Variants in SLC39A8 observed in about 807,000 individuals in gnomAD.
SLC39A8 encodes the protein solute carrier family 39 member 8.
In SLC39A8, 15 loss-of-function variants were observed where a neutral mutation model predicts 40.4. The ratio of observed to expected loss-of-function variants is 0.37; its 90% CI spans 0.25 to 0.57. The LOEUF is 0.57. Among genes scored for constraint, SLC39A8 ranks in the 20% least tolerant of loss-of-function variants. The probability of loss-of-function intolerance (pLI) is 0.75; values close to 1 mark genes in which losing one functional copy is unlikely to be tolerated. For missense variants in SLC39A8, 472 were observed against 558.8 expected, an observed-to-expected ratio of 0.84 and a Z score of 1.57; for synonymous variants, 223 against 221.6, an observed-to-expected ratio of 1.01 and a Z score of -0.06.
downstream of SLC39A8, chr4:102,259,599 C>T (rs545392435): frequency 3.0e-5 from 32 of 1,049,690 alleles, no homozygotes; most frequent in Admixed American, 6.6e-5. Context: ...TAAATCTAGC[C>T]CCGCCATGGC....
intron 2 of SLC39A8, among the ~76,000 whole-genome samples, chr4:102,334,799 C>T (rs1285392086): frequency 6.6e-6 from 1 of 152,184 alleles, no homozygotes; most frequent in Admixed American, 6.5e-5. Context: ...GGAATATGTG[C>T]TCTGCCAATA....
chr4:102,344,532 G>C lies in SLC39A8; in HGVS notation c.131C>G (p.Ser44Trp), dbSNP rs772391167. 8 of 1,558,824 alleles carry C rather than the reference G, an allele frequency of 5.1e-6. No homozygotes were observed. Among genetic ancestry groups the C allele is most frequent in the Admixed American group, 1.9e-5 (1 of 52,620 alleles). ...LSVFGANLSL[S>W]AAQLQHLLEQ... is the part of the protein sequence containing the mutation. ...CAGCAAGTGCTGGAGCTGCGCCGCC[G>C]ACAGGCTCAGATTCGCGCCGAACAC... Residue 44 changes from serine to tryptophan, a missense_variant, in exon 2 of 9, where the codon TCG (serine) becomes TGG (tryptophan). By Grantham distance (177) the Ser-to-Trp change is radical. Coordinates refer to ENST00000356736, the MANE Select transcript of SLC39A8 (RefSeq NM_001135146.2).
chr4:102,269,007 C>T lies in SLC39A8; in HGVS notation c.841-928G>A, dbSNP rs1732232186. On this transcript the variant is annotated intron_variant, in intron 6 of 8. Transcript: ENST00000356736. ...CCTAATTCTCCTCCTCTCACCTCTA[C>T]CTAAGCAGCTAATCATTACATTTAT... is the stretch of plus-strand genomic sequence containing the variant. 1.3e-5 allele frequency among the ~76,000 whole-genome samples: 2 copies of T among 152,192 alleles called. 1 individual carries two copies. The highest frequency in any genetic ancestry group is 4.8e-5 in the African/African-American group (2 of 41,438).
At chr4:102,258,640 T>G (rs1731768593), downstream of SLC39A8, among the ~76,000 whole-genome samples, 2 of 152,160 alleles carry the variant, frequency 1.3e-5, no homozygotes, top group Admixed American at 6.6e-5. Flanking sequence ...GGTTAAGTGC[T>G]CAGATGAAGG....
intron 2 of SLC39A8, 102 bp from the exon 3 acceptor site, chr4:102,315,932 C>T: frequency 2.1e-6 from 2 of 954,066 alleles, no homozygotes; most frequent in East Asian, 5.6e-5. Context: ...AGATGCACAG[C>T]ACTCTTTATA....
chr4:102,254,036 G>A (rs1025238033), intron 11 of SLC39A8, among the ~76,000 whole-genome samples: 2 of 152,116 alleles, frequency 1.3e-5, no homozygotes, highest in African/African-American at 4.8e-5. Flanking sequence ...ACAGGAAAAG[G>A]CTCTTGGTTC....
At chr4:102,325,261 AG>A (rs1362421224) in intron 2 of SLC39A8, among the ~76,000 whole-genome samples, 2 of 152,148 alleles carry the variant, frequency 1.3e-5, no homozygotes, top group African/African-American at 2.4e-5. Flanking sequence ...TAGGTTTAAG[AG>A]GTGGCCAGTC....
chr4:102,285,829 G>T (rs1177755551), intron 6 of SLC39A8, among the ~76,000 whole-genome samples: 5 of 152,066 alleles, frequency 3.3e-5, no homozygotes, highest in Admixed American at 6.6e-5. Context: ...ATAAAATGTA[G>T]AGTAAATTCT....
rs565894164 is a variant in SLC39A8 at position 102,304,245 on chromosome 4, C to T, written c.840+72G>A. On this transcript the variant is annotated intron_variant, in intron 6 of 8. Coordinates refer to ENST00000356736, the MANE Select transcript of SLC39A8 (RefSeq NM_001135146.2). Reference sequence around the variant, plus strand: ...CATAAATGTACAAAAACTGACTTAGCTGCATAAACAGTCATGTTTACACAG... The same window carrying T: ...CATAAATGTACAAAAACTGACTTAGTTGCATAAACAGTCATGTTTACACAG... 1,677 of 1,177,658 alleles carry T rather than the reference C, an allele frequency of 1.4e-3. 1 individual carries two copies. Among genetic ancestry groups the T allele is most frequent in the Middle Eastern group, 1.8e-3 (9 of 4,984 alleles). 73.0% of individuals were successfully genotyped at this position (1,177,658 alleles called of 1,614,324 possible). A position where few individuals can be genotyped will look rare whatever the true frequency, so the allele number is the denominator to read the frequency against.
In SLC39A8 at chr4:102,264,820, C is replaced by G. The variant is rs114629198; in HGVS notation, c.1234-1627G>C. On this transcript the variant is annotated intron_variant, in intron 8 of 8. Transcript: ENST00000356736. ...CATACAGATGGCTTCTTTCCTTAAA[C>G]CTAATGAATACACCTCTGCTAATGT... Among the ~76,000 whole-genome samples the G allele has an allele frequency of 9.6e-3, 1,459 of 152,338 alleles. 29 individuals carry two copies. Among genetic ancestry groups the G allele is most frequent in the African/African-American group, 0.033 (1,377 of 41,574 alleles).
chr4:102,332,563 G>C (rs1735511602), intron 2 of SLC39A8, among the ~76,000 whole-genome samples: 1 of 152,362 alleles, frequency 6.6e-6, no homozygotes, highest in East Asian at 1.9e-4. Context: ...TACACTGTTG[G>C]TGGGAGTATA....
Position 102,344,970 on chromosome 4 carries a change from G to A in SLC39A8, c.-253-55C>T, listed in dbSNP as rs980688161. The stretch of plus-strand genomic sequence containing the variant: ...GATAAAGGCCACCAGGGCACCAGCC[G>A]GCAGGCTCCAGAAACGCTGCGTGGC... On this transcript the variant is annotated intron_variant, in intron 1 of 8. Coordinates refer to ENST00000356736, the MANE Select transcript of SLC39A8 (RefSeq NM_001135146.2). The A allele has an allele frequency of 3.6e-6, 4 of 1,107,564 alleles. No individual in the cohort carries two copies. In the African/African-American group the frequency reaches 6.5e-5, roughly 18 times the overall value. 68.6% of individuals were successfully genotyped at this position (1,107,564 alleles called of 1,614,324 possible). A position where few individuals can be genotyped will look rare whatever the true frequency, so the allele number is the denominator to read the frequency against.
At chr4:102,327,380 A>G (rs1443593364) in intron 2 of SLC39A8, among the ~76,000 whole-genome samples, 1 of 152,146 alleles carries the variant, frequency 6.6e-6, no homozygotes, top group African/African-American at 2.4e-5. Context: ...TGAATACTCT[A>G]TCCTAACCAG....
At chr4:102,299,570 C>G (rs1032797060) in intron 6 of SLC39A8, among the ~76,000 whole-genome samples, 3 of 152,006 alleles carry the variant, frequency 2.0e-5, no homozygotes, top group African/African-American at 7.2e-5. Flanking sequence ...CCAACCACCT[C>G]AAAAATGTTA....
rs1295797508 is a variant in SLC39A8, at chr4:102,307,611, G to T, written c.383-6C>A. ...CAGGAATCCATATCCCCAAACTGTG[G>T]GTCAGAGGGAAAAGAGAGTAGAAAT... On this transcript the variant is annotated splice_region_variant and splice_polypyrimidine_tract_variant and intron_variant, in intron 3 of 8. Coordinates refer to ENST00000356736, the MANE Select transcript of SLC39A8 (RefSeq NM_001135146.2). 3 of 1,610,766 alleles carry T rather than the reference G, an allele frequency of 1.9e-6. No homozygotes were observed. Among genetic ancestry groups the T allele is most frequent in the Non-Finnish European group, 2.5e-6 (3 of 1,178,418 alleles).
chr4:102,272,562 G>A (rs945390421), intron 6 of SLC39A8, among the ~76,000 whole-genome samples: 3 of 152,132 alleles, frequency 2.0e-5, no homozygotes, highest in African/African-American at 2.4e-5. Context: ...CCAGCTGGGC[G>A]ACAGAGTTAG....
intron 2 of SLC39A8, among the ~76,000 whole-genome samples, chr4:102,318,366 T>C (rs1237575301): frequency 6.6e-6 from 1 of 152,050 alleles, no homozygotes; most frequent in Non-Finnish European, 1.5e-5. Context: ...CCCCTCATGA[T>C]AAGAGAATGA....
chr4:102,286,185 G>A (rs895687272), intron 6 of SLC39A8, among the ~76,000 whole-genome samples: 9 of 152,248 alleles, frequency 5.9e-5, no homozygotes, highest in Non-Finnish European at 1.2e-4. Context: ...CCCCTGGTTT[G>A]CCACTGGGCT....
chr4:102,277,930 C>T (rs1732694833), intron 6 of SLC39A8, among the ~76,000 whole-genome samples: 3 of 152,146 alleles, frequency 2.0e-5, no homozygotes, highest in African/African-American at 7.2e-5. Context: ...ACTGGCTAGC[C>T]ATATGCAGAA....
Sources: allele counts gnomAD v4.1 joint callset (sites outside exome capture counted in the v4.1 genomes callset), GRCh38; gene constraint gnomAD v4.1.1; transcripts MANE v1.5; gene names NCBI Gene and HGNC (gene_info 2026-07-23, HGNC 2026-07-21).